The following IL1RAPL1 variants were observed in gnomAD, a reference collection of about 807,000 sequenced individuals.
The protein encoded by IL1RAPL1 is interleukin 1 receptor accessory protein like 1, also known as interleukin-1 receptor accessory protein-like 1.
Under a neutral mutation model 48.4 loss-of-function variants are expected in IL1RAPL1, and 3 were observed. The observed-to-expected ratio is 0.06, with a 90% confidence interval of 0.03 to 0.16. IL1RAPL1 has a LOEUF of 0.16. IL1RAPL1 is among the 10% of genes least tolerant of loss of function. The pLI is 1.00. For synonymous variants in IL1RAPL1, 185 were observed against 187.7 expected, an observed-to-expected ratio of 0.99 and a Z score of 0.12; for missense variants, 349 against 530.6, an observed-to-expected ratio of 0.66 and a Z score of 3.36.
intron 2 of IL1RAPL1, among the ~76,000 whole-genome samples, chrX:29,100,085 G>A (rs1016508371): frequency 1.1e-4 from 12 of 110,293 alleles, no homozygotes; most frequent in African/African-American, 3.0e-4. Context: ...GGTGGCATGC[G>A]CTTGTAATGC....
intron 6 of IL1RAPL1, among the ~76,000 whole-genome samples, chrX:29,873,599 G>A (rs1360038101): frequency 9.0e-6 from 1 of 111,489 alleles, no homozygotes; most frequent in African/African-American, 3.3e-5. Context: ...TGAATCTGCT[G>A]TCACATTAAT....
chrX:29,504,580 T>C (rs1389360230), intron 5 of IL1RAPL1, among the ~76,000 whole-genome samples: 1 of 112,174 alleles, frequency 8.9e-6, no homozygotes, highest in African/African-American at 3.2e-5. Context: ...TTTATCATGA[T>C]GTAGTGACCT....
chrX:29,792,286 G>A (rs768199295), intron 6 of IL1RAPL1, among the ~76,000 whole-genome samples: 101 of 111,952 alleles, frequency 9.0e-4, no homozygotes, highest in Non-Finnish European at 1.7e-3. Flanking sequence ...AGGGTTTTGG[G>A]AAGCATCTAC....
At chrX:29,941,862 A>AG (rs1475207468) in intron 9 of IL1RAPL1, 68 bp downstream of exon 9, 1 of 1,036,048 alleles carries the variant, frequency 9.7e-7, no homozygotes, top group Admixed American at 2.3e-5. Flanking sequence ...TGTTTTATTA[A>AG]GGGGAAAAAA....
chrX:29,181,038 C>T (rs1426318406), intron 2 of IL1RAPL1, among the ~76,000 whole-genome samples: 1 of 111,405 alleles, frequency 9.0e-6, no homozygotes, highest in Non-Finnish European at 1.9e-5. Context: ...AAAATAAAAC[C>T]TTCTATATTG....
chrX:28,789,483 A>G (rs1936511136), intron 2 of IL1RAPL1, 58 bp downstream of exon 2: 2 of 830,312 alleles, frequency 2.4e-6, no homozygotes, highest in Non-Finnish European at 3.6e-6. Context: ...ATAGTGCTAC[A>G]TCTACACATG....
At chrX:29,752,080 G>GTATA (rs757287803) in intron 6 of IL1RAPL1, among the ~76,000 whole-genome samples, 52 of 85,306 alleles carry the variant, frequency 6.1e-4, no homozygotes, top group African/African-American at 1.2e-3. Flanking sequence ...ATGTGTGTAT[G>GTATA]TATATATATA....
intron 5 of IL1RAPL1, among the ~76,000 whole-genome samples, chrX:29,595,898 A>G (rs1923532668): frequency 9.0e-6 from 1 of 111,239 alleles, no homozygotes; most frequent in Admixed American, 9.6e-5. Context: ...ATCCATCATG[A>G]GTTGATTTTT....
At chrX:29,400,069 A>C (rs773494100) in intron 5 of IL1RAPL1, among the ~76,000 whole-genome samples, 5 of 111,664 alleles carry the variant, frequency 4.5e-5, no homozygotes, top group Non-Finnish European at 9.4e-5. Flanking sequence ...GAACTTGAAA[A>C]TAGCATAACT....
At chrX:29,298,822 A>T (rs998601156) in intron 3 of IL1RAPL1, among the ~76,000 whole-genome samples, 5 of 111,319 alleles carry the variant, frequency 4.5e-5, no homozygotes, top group African/African-American at 1.6e-4. Flanking sequence ...TAGGACTATC[A>T]TTTTTTCAAG....
intron 1 of IL1RAPL1, among the ~76,000 whole-genome samples, chrX:28,643,722 A>G (rs1370757783): frequency 8.9e-6 from 1 of 112,300 alleles, no homozygotes; most frequent in African/African-American, 3.2e-5. Context: ...ATATTTAGAA[A>G]GGAGATCAAG....
chrX:28,716,417 G>A (rs1935504935), intron 1 of IL1RAPL1, among the ~76,000 whole-genome samples: 1 of 111,288 alleles, frequency 9.0e-6, no homozygotes, highest in Non-Finnish European at 1.9e-5. Flanking sequence ...TTTAAAAAAA[G>A]CAATGGGGAA....
At chrX:29,877,224 T>G (rs1376927109) in intron 6 of IL1RAPL1, among the ~76,000 whole-genome samples, 1 of 111,596 alleles carries the variant, frequency 9.0e-6, no homozygotes, top group Non-Finnish European at 1.9e-5. Flanking sequence ...CTGGAGGTAT[T>G]GCCTGCATCT....
At chrX:28,917,798 A>C (rs1174099958) in intron 2 of IL1RAPL1, among the ~76,000 whole-genome samples, 1 of 112,416 alleles carries the variant, frequency 8.9e-6, no homozygotes, top group African/African-American at 3.2e-5. Context: ...TAAACATTTT[A>C]AGTGTACAGT....
At chrX:29,676,980 A>G (rs911457213) in intron 6 of IL1RAPL1, among the ~76,000 whole-genome samples, 1 of 112,361 alleles carries the variant, frequency 8.9e-6, no homozygotes, top group Non-Finnish European at 1.9e-5. Context: ...ATGCCAATTT[A>G]TCAGAAATAA....
intron 3 of IL1RAPL1, among the ~76,000 whole-genome samples, chrX:29,307,698 A>G (rs1932646810): frequency 1.8e-5 from 2 of 112,217 alleles, no homozygotes; most frequent in South Asian, 7.2e-4. Flanking sequence ...CTTAAATTAT[A>G]TCTAAGCACT....
At chrX:29,909,187 C>G (rs1932711227) in intron 6 of IL1RAPL1, among the ~76,000 whole-genome samples, 1 of 110,968 alleles carries the variant, frequency 9.0e-6, no homozygotes, top group African/African-American at 3.3e-5. Flanking sequence ...CTAGCCTGGG[C>G]AACATAGGGA....
chrX:28,757,123 A>T (rs1458352204), intron 1 of IL1RAPL1, among the ~76,000 whole-genome samples: 1 of 112,252 alleles, frequency 8.9e-6, no homozygotes, highest in Non-Finnish European at 1.9e-5. Context: ...TTATCCTTCA[A>T]TTTCTTTACC....
intron 2 of IL1RAPL1, among the ~76,000 whole-genome samples, chrX:28,853,636 G>A (rs186066021): frequency 1.9e-3 from 191 of 99,640 alleles, no homozygotes; most frequent in African/African-American, 6.9e-3. Context: ...ATAAAGTAGG[G>A]CTACTTTATA....
Sources: gnomAD v4.1 joint callset for allele counts (sites outside exome capture counted in the v4.1 genomes callset) on GRCh38, gnomAD v4.1.1 for gene constraint, MANE v1.5 for transcripts, NCBI Gene and HGNC (gene_info 2026-07-23, HGNC 2026-07-21) for gene names.